Variants in GNAL observed in about 807,000 individuals in gnomAD.
GNAL encodes G protein subunit alpha L, also known as guanine nucleotide-binding protein G(olf) subunit alpha.
In GNAL, 18 loss-of-function variants were observed where a neutral mutation model predicts 55.1. That is an observed-to-expected ratio of 0.33 (90% CI 0.23 to 0.48). The LOEUF (loss-of-function observed/expected upper bound fraction) is 0.48. Among genes scored for constraint, GNAL ranks in the 20% least tolerant of loss-of-function variants. GNAL has a pLI of 0.99. For synonymous variants in GNAL, 253 were observed against 237.0 expected, an observed-to-expected ratio of 1.07 and a Z score of -0.62; for missense variants, 412 against 614.1, an observed-to-expected ratio of 0.67 and a Z score of 3.48.
At chr18:11,852,860 C>A (rs1043400628) in intron 5 of GNAL, 1 of 166,904 alleles carries the variant, frequency 6.0e-6, no homozygotes, top group African/African-American at 2.4e-5. Context: ...TTTCTACTTA[C>A]TAAATTGAGT....
chr18:11,807,186 A>G (rs2143545113), intron 4 of GNAL, among the ~76,000 whole-genome samples: 1 of 152,142 alleles, frequency 6.6e-6, no homozygotes, highest in Middle Eastern at 3.4e-3. Context: ...AAAGAAAAGA[A>G]CAACCTCCAG....
intron 1 of GNAL, chr18:11,747,582 A>G (rs1434236840): frequency 7.4e-6 from 1 of 135,092 alleles, no homozygotes; most frequent in Non-Finnish European, 1.6e-5. Context: ...GCCAAAGAGC[A>G]ACAGCAAATG....
At chr18:11,706,162 T>G (rs2031706507) in intron 1 of GNAL, among the ~76,000 whole-genome samples, 1 of 152,130 alleles carries the variant, frequency 6.6e-6, no homozygotes, top group Non-Finnish European at 1.5e-5. Context: ...GATTAACCCC[T>G]TATCAGATAT....
chr18:11,771,900 T>C (rs574995928), intron 4 of GNAL, among the ~76,000 whole-genome samples: 2 of 152,170 alleles, frequency 1.3e-5, no homozygotes, highest in African/African-American at 4.8e-5. Flanking sequence ...TTTTTTTTAG[T>C]AGTAGAGATC....
chr18:11,743,673 A>G (rs776873844), intron 1 of GNAL, among the ~76,000 whole-genome samples: 1 of 152,266 alleles, frequency 6.6e-6, no homozygotes, highest in Non-Finnish European at 1.5e-5. Flanking sequence ...GTATTAAAAC[A>G]CATTGGCTAA....
intron 4 of GNAL, among the ~76,000 whole-genome samples, chr18:11,789,980 AG>A (rs1244037123): frequency 6.6e-6 from 1 of 152,266 alleles, no homozygotes; most frequent in Non-Finnish European, 1.5e-5. Flanking sequence ...TAGTTGAAGA[AG>A]GTCAGACTCA....
At chr18:11,788,914 A>AAAAAAAAAAAAT (rs60071996) in intron 4 of GNAL, among the ~76,000 whole-genome samples, 70 of 56,290 alleles carry the variant, frequency 1.2e-3, no homozygotes, top group East Asian at 5.0e-3. Flanking sequence ...AAAAAAAAAA[A>AAAAAAAAAAAAT]ATATATATAT....
At chr18:11,800,118 C>A (rs2034485232) in intron 4 of GNAL, among the ~76,000 whole-genome samples, 1 of 152,048 alleles carries the variant, frequency 6.6e-6, no homozygotes, top group African/African-American at 2.4e-5. Context: ...CAACAATGAA[C>A]AATGATGTAT....
chr18:11,786,641 C>CA (rs1568026435), intron 4 of GNAL, among the ~76,000 whole-genome samples: 1 of 147,902 alleles, frequency 6.8e-6, no homozygotes, highest in African/African-American at 2.5e-5. Context: ...TTAGTGGAGA[C>CA]GGGCTTTCAC....
chr18:11,790,462 T>G (rs1443982621), intron 4 of GNAL, among the ~76,000 whole-genome samples: 1 of 152,198 alleles, frequency 6.6e-6, no homozygotes, highest in Non-Finnish European at 1.5e-5. Flanking sequence ...GACTTCATTT[T>G]TAATACAGAC....
intron 1 of GNAL, among the ~76,000 whole-genome samples, chr18:11,690,455 A>T (rs562244172): frequency 4.0e-5 from 6 of 148,530 alleles, no homozygotes; most frequent in Non-Finnish European, 9.0e-5. Flanking sequence ...CTTGAGCTGC[A>T]CTTGCATTTT....
intron 7 of GNAL, among the ~76,000 whole-genome samples, chr18:11,864,825 G>A (rs2143850476): frequency 6.6e-6 from 1 of 152,296 alleles, no homozygotes; most frequent in South Asian, 2.1e-4. Flanking sequence ...GGCAGTGTTT[G>A]CATCTGAGTT....
intron 4 of GNAL, among the ~76,000 whole-genome samples, chr18:11,761,421 C>T (rs79587244): frequency 6.6e-6 from 1 of 152,202 alleles, no homozygotes; most frequent in Non-Finnish European, 1.5e-5. Flanking sequence ...CCATGGACCT[C>T]CCTTCCTGCC....
rs978409045 is a variant in GNAL at position 11,751,597 on chromosome 18, C to T, written c.377-1256C>T. The T allele has an allele frequency of 1.0e-6, 1 of 985,514 alleles. No individual in the cohort carries two copies. The allele number at this position is 985,514 out of a possible 1,614,324, so 61.0% of individuals were successfully genotyped here. ...GCCAGGAGCAGGGACGCGTCCGAGC[C>T]AACACGGGGCGCGCGCCCAGACGCA... On this transcript the variant is annotated intron_variant, in intron 1 of 11. Transcript: ENST00000334049. This position sits in a 1 kb window ranked among gnomAD's most constrained non-coding sequence, Gnocchi z 4.5.
At chr18:11,861,003 G>T (rs967455690) in intron 5 of GNAL, among the ~76,000 whole-genome samples, 1 of 152,208 alleles carries the variant, frequency 6.6e-6, no homozygotes, top group Non-Finnish European at 1.5e-5. Flanking sequence ...CCACACTGAG[G>T]TTCACAGGCG....
At chr18:11,879,543 C>A (rs942391612) in intron 11 of GNAL, among the ~76,000 whole-genome samples, 11 of 152,184 alleles carry the variant, frequency 7.2e-5, no homozygotes, top group African/African-American at 2.7e-4. Flanking sequence ...CCTCTTCTCT[C>A]TAGGACACCA....
chr18:11,703,825 A>ACG (rs1445549202), intron 1 of GNAL, among the ~76,000 whole-genome samples: 1 of 151,700 alleles, frequency 6.6e-6, no homozygotes, highest in East Asian at 1.9e-4. Flanking sequence ...ACACACACAC[A>ACG]CACACACACA....
chr18:11,803,021 GA>G (rs1320750454), intron 4 of GNAL, among the ~76,000 whole-genome samples: 32 of 152,270 alleles, frequency 2.1e-4, no homozygotes, highest in African/African-American at 7.2e-4. Context: ...CTTGGAGATG[GA>G]AAGTACTGGA....
intron 1 of GNAL, among the ~76,000 whole-genome samples, chr18:11,711,348 T>A (rs928927488): frequency 2.6e-5 from 4 of 152,236 alleles, no homozygotes; most frequent in Non-Finnish European, 4.4e-5. Flanking sequence ...ATACATTGAT[T>A]AGCTTAATGG....
Sources: allele counts gnomAD v4.1 joint callset (sites outside exome capture counted in the v4.1 genomes callset), GRCh38; gene constraint gnomAD v4.1.1; non-coding constraint Gnocchi (gnomAD v3.1); transcripts MANE v1.5; gene names NCBI Gene and HGNC (gene_info 2026-07-23, HGNC 2026-07-21).